The following KCNMA1 variants were observed in gnomAD, a reference collection of about 807,000 sequenced individuals.
KCNMA1 encodes the protein Calcium-activated potassium channel subunit alpha-1.
Under a neutral mutation model 140.0 loss-of-function variants are expected in KCNMA1, and 29 were observed. The ratio of observed to expected loss-of-function variants is 0.21; its 90% confidence interval spans 0.15 to 0.28. The LOEUF (loss-of-function observed/expected upper bound fraction) is 0.28, where lower values mean the gene tolerates loss of function less well. Among genes scored for constraint, KCNMA1 ranks in the 10% least tolerant of loss-of-function variants. The pLI is 1.00. For synonymous variants in KCNMA1, 612 were observed against 611.9 expected, an observed-to-expected ratio of 1.00 and a Z score of 0.00; for missense variants, 880 against 1,602.2, an observed-to-expected ratio of 0.55 and a Z score of 7.70.
At chr10:77,541,175 T>A (rs1182475671) in intron 1 of KCNMA1, among the ~76,000 whole-genome samples, 1 of 152,124 alleles carries the variant, frequency 6.6e-6, no homozygotes, top group African/African-American at 2.4e-5. Context: ...TCACATATTG[T>A]ATCAGTGAGT....
At chr10:77,438,480 T>A (rs551416839) in intron 1 of KCNMA1, among the ~76,000 whole-genome samples, 18 of 151,922 alleles carry the variant, frequency 1.2e-4, no homozygotes, top group African/African-American at 3.9e-4. Context: ...GGAGAATTGC[T>A]TGAACCTGGG....
At chr10:77,170,803 G>A (rs1459667640) in intron 5 of KCNMA1, among the ~76,000 whole-genome samples, 1 of 152,156 alleles carries the variant, frequency 6.6e-6, no homozygotes, top group Non-Finnish European at 1.5e-5. Flanking sequence ...ATTCTTACTA[G>A]TAACCAAGGA....
intron 2 of KCNMA1, among the ~76,000 whole-genome samples, chr10:77,318,142 C>A (rs1436050644): frequency 6.6e-6 from 1 of 152,112 alleles, no homozygotes; most frequent in African/African-American, 2.4e-5. Flanking sequence ...TGAGGTCACT[C>A]CAACTTAGAA....
chr10:77,387,290 C>T (rs147036414), intron 2 of KCNMA1, among the ~76,000 whole-genome samples: 184 of 152,330 alleles, frequency 1.2e-3, no homozygotes, highest in African/African-American at 4.1e-3. Context: ...AGGAAGCTGA[C>T]AAATTTGCTG....
Position 76,949,241 on chromosome 10 carries a change from A to G in KCNMA1, c.2610T>C (p.His870=), listed in dbSNP as rs1460397705. 1 of 1,614,150 alleles carries G rather than the reference A, an allele frequency of 6.2e-7. No homozygotes were observed. Among genetic ancestry groups the G allele is most frequent in the Non-Finnish European group, 8.5e-7 (1 of 1,180,026 alleles). ...LVMPLRASNF[H]YHELKHIVFV... ...ACACAATGTGCTTGAGCTCATGGTA[A>G]TGAAAGTTGCTGGCACGGAGCGGCA... Residue 870 remains histidine (H), a synonymous_variant, in exon 22 of 28, where the codon CAT becomes CAC. Coordinates refer to ENST00000286628, the MANE Select transcript of KCNMA1 (RefSeq NM_001161352.2).
chr10:76,914,868 C>T (rs1161229245), intron 24 of KCNMA1, 68 bp downstream of exon 24: 1 of 1,169,020 alleles, frequency 8.6e-7, no homozygotes, highest in African/African-American at 1.5e-5. Context: ...ATAAACCAAC[C>T]TCCTCATATC....
At chr10:77,349,540 G>A (rs2092615129) in intron 2 of KCNMA1, among the ~76,000 whole-genome samples, 1 of 152,158 alleles carries the variant, frequency 6.6e-6, no homozygotes, top group Non-Finnish European at 1.5e-5. Context: ...CAACCCACTG[G>A]GTGAGTAAGC....
intron 1 of KCNMA1, among the ~76,000 whole-genome samples, chr10:77,601,218 G>A (rs1221668595): frequency 3.3e-5 from 5 of 152,150 alleles, no homozygotes; most frequent in Admixed American, 1.3e-4. Flanking sequence ...TGGGGCTCAC[G>A]TGGGGAAGGT....
At chr10:77,440,697 C>T (rs1022276373) in intron 1 of KCNMA1, among the ~76,000 whole-genome samples, 2 of 152,232 alleles carry the variant, frequency 1.3e-5, no homozygotes, top group African/African-American at 4.8e-5. Flanking sequence ...CTACCGTGAG[C>T]TCATTCTGAG....
intron 5 of KCNMA1, among the ~76,000 whole-genome samples, chr10:77,165,707 G>A (rs16934331): frequency 0.15 from 22,541 of 152,182 alleles, 2,072 homozygotes; most frequent in African/African-American, 0.25. Flanking sequence ...GCCCGAACAC[G>A]TATACCTACT....
At chr10:77,039,165 G>C (rs909587800) in intron 15 of KCNMA1, 1 of 325,826 alleles carries the variant, frequency 3.1e-6, no homozygotes, top group Non-Finnish European at 5.8e-6. Context: ...TTTCATTGAG[G>C]GGCTGGCAAG....
At chr10:76,973,788 A>G (rs1335547476) in intron 19 of KCNMA1, among the ~76,000 whole-genome samples, 1 of 152,198 alleles carries the variant, frequency 6.6e-6, no homozygotes, top group Non-Finnish European at 1.5e-5. Flanking sequence ...ATCTTCCTTT[A>G]TCAGCCGCGC....
intron 5 of KCNMA1, among the ~76,000 whole-genome samples, chr10:77,180,025 A>G (rs1042302906): frequency 6.6e-6 from 1 of 152,216 alleles, no homozygotes; most frequent in Non-Finnish European, 1.5e-5. Context: ...GTTCTGGGAC[A>G]GGTAAGGGCA....
chr10:77,412,721 C>A (rs2096647199), intron 1 of KCNMA1, among the ~76,000 whole-genome samples: 1 of 152,204 alleles, frequency 6.6e-6, no homozygotes, highest in Admixed American at 6.5e-5. Context: ...AATAAAAGCG[C>A]CTCTGCATTG....
intron 2 of KCNMA1, among the ~76,000 whole-genome samples, chr10:77,368,206 G>A (rs954478841): frequency 2.0e-5 from 3 of 152,066 alleles, no homozygotes; most frequent in Non-Finnish European, 4.4e-5. Context: ...TCACTACTTG[G>A]TATTGTTGGT....
intron 1 of KCNMA1, among the ~76,000 whole-genome samples, chr10:77,549,708 G>A (rs2062295605): frequency 1.3e-5 from 2 of 152,182 alleles, no homozygotes; most frequent in Non-Finnish European, 1.5e-5. Flanking sequence ...GTAACGTCCT[G>A]TCTAAACATC....
intron 1 of KCNMA1, among the ~76,000 whole-genome samples, chr10:77,493,592 G>C (rs1365220530): frequency 6.6e-6 from 1 of 152,234 alleles, no homozygotes; most frequent in Admixed American, 6.5e-5. Context: ...CACCCTCCTA[G>C]AGTTGCCTGC....
chr10:77,295,324 A>G (rs1253211535), intron 2 of KCNMA1, among the ~76,000 whole-genome samples: 1 of 151,308 alleles, frequency 6.6e-6, no homozygotes, highest in Non-Finnish European at 1.5e-5. Context: ...TCTAGCCTGG[A>G]CAACAAGAGT....
chr10:77,250,811 T>C (rs761565025), intron 3 of KCNMA1: 2 of 259,168 alleles, frequency 7.7e-6, no homozygotes, highest in Non-Finnish European at 1.5e-5. Flanking sequence ...CCTACAACCA[T>C]AGCAAGAATG....
Sources: gnomAD v4.1 joint callset for allele counts (sites outside exome capture counted in the v4.1 genomes callset) on GRCh38, gnomAD v4.1.1 for gene constraint, MANE v1.5 for transcripts, NCBI Gene and HGNC (gene_info 2026-07-23, HGNC 2026-07-21) for gene names.